The following ABCD3 variants were observed in gnomAD, a reference collection of about 807,000 sequenced individuals.
ABCD3 encodes the protein ATP-binding cassette sub-family D member 3.
ABCD3 carries 41 observed loss-of-function variants against 105.5 expected under a neutral mutation model. The observed-to-expected ratio is 0.39, with a 90% CI of 0.30 to 0.50. ABCD3 has a LOEUF of 0.50. Among genes scored for constraint, ABCD3 ranks in the 20% least tolerant of loss-of-function variants. ABCD3 has a pLI of 0.84. For synonymous variants in ABCD3, 258 were observed against 269.0 expected (o/e 0.96, Z 0.40); for missense variants, 622 against 806.3 (o/e 0.77, Z 2.77).
In ABCD3 at chr1:94,487,765, A is replaced by G. The variant is rs202133823; in HGVS notation, c.1039A>G (p.Lys347Glu). The change falls in exon 12 of 23, where the codon AAG (lysine) becomes GAG (glutamate). Residue 347 changes from lysine to glutamate, a missense_variant. Physicochemically the swap from Lys to Glu is moderately conservative, Grantham distance 56 (BLOSUM62 1). Around this residue, in one of 4 missense-constraint regions of ABCD3, gnomAD observed 245 missense variants for 356.4 expected, o/e 0.69. Coordinates refer to ENST00000370214, the MANE Select transcript of ABCD3 (RefSeq NM_002858.4). ...AGATTTGTCTCATCCTCGACATCTCAAGAGTACACATTCGGAACTTCTAGA... is the reference window on the plus strand; with the variant it reads ...AGATTTGTCTCATCCTCGACATCTCGAGAGTACACATTCGGAACTTCTAGA... Reference protein sequence around the residue: ...FLDLSHPRHLKSTHSELLEDY... With the variant: ...FLDLSHPRHLESTHSELLEDY... 2 of 1,613,632 alleles carry G rather than the reference A, an allele frequency of 1.2e-6. No homozygotes were observed. The highest frequency in any genetic ancestry group is 2.2e-5 in the East Asian group (1 of 44,852).
At chr1:94,425,717 A>AT (rs1226456657) in intron 1 of ABCD3, among the ~76,000 whole-genome samples, 2 of 152,166 alleles carry the variant, frequency 1.3e-5, no homozygotes, top group Admixed American at 6.6e-5. Context: ...GGATATTTAA[A>AT]TTTTTTTCTA....
intron 16 of ABCD3, among the ~76,000 whole-genome samples, chr1:94,494,971 C>T (rs892431806): frequency 2.6e-5 from 4 of 152,088 alleles, no homozygotes; most frequent in African/African-American, 7.2e-5. Flanking sequence ...GTCCTGGTTA[C>T]GCAGGCGGCT....
intron 4 of ABCD3, among the ~76,000 whole-genome samples, chr1:94,473,302 T>G (rs1160897501): frequency 6.6e-6 from 1 of 152,134 alleles, no homozygotes; most frequent in African/African-American, 2.4e-5. Context: ...GCCTAAAATA[T>G]TTACTCTTGA....
chr1:94,420,211 C>A (rs1282157095), intron 1 of ABCD3, among the ~76,000 whole-genome samples: 1 of 152,042 alleles, frequency 6.6e-6, no homozygotes, highest in Non-Finnish European at 1.5e-5. Context: ...TAATCAGCAC[C>A]CAGATCAAGA....
chr1:94,499,027 C>A lies in ABCD3; in HGVS notation c.1613C>A (p.Ser538Tyr), dbSNP rs1467536288. ...GREDQKRKGISDLVLKEYLDN... is the reference protein window; with the variant it reads ...GREDQKRKGIYDLVLKEYLDN... ...GAAGATCAGAAAAGGAAGGGAATTT[C>A]TGACCTAGTAAGGGAATGTTTATAT... The change falls in exon 19 of 23, where the codon TCT becomes TAT. Residue 538 changes from serine to tyrosine, a missense_variant. By Grantham distance (144) the Ser-to-Tyr change is moderately radical. Transcript: ENST00000370214. 6.2e-7 allele frequency: 1 copy of A among 1,612,372 alleles called. No individual in the cohort carries two copies. The highest frequency in any genetic ancestry group is 2.2e-5 in the East Asian group (1 of 44,834).
chr1:94,415,610 TAG>T (rs1658985545), upstream of ABCD3, among the ~76,000 whole-genome samples: 1 of 152,162 alleles, frequency 6.6e-6, no homozygotes, highest in South Asian at 2.1e-4. Flanking sequence ...TTGAGTCACT[TAG>T]AGTTACAGAA....
chr1:94,396,617 G>A, the ABCD3 span, among the ~76,000 whole-genome samples: 3 of 152,064 alleles, frequency 2.0e-5, no homozygotes, highest in African/African-American at 2.4e-5. Context: ...GTGTGCGCGC[G>A]CGCACGTGCG....
chr1:94,475,762 A>C, intron 7 of ABCD3, 25 bp downstream of exon 7: 1 of 1,576,320 alleles, frequency 6.3e-7, no homozygotes, highest in South Asian at 1.1e-5. Flanking sequence ...TTTTTAAAAG[A>C]TTATTTGTTT....
intron 8 of ABCD3, 157 bp downstream of exon 8, chr1:94,478,472 C>A: frequency 1.5e-6 from 2 of 1,299,196 alleles, no homozygotes; most frequent in South Asian, 2.5e-5. Flanking sequence ...AATAATACTT[C>A]ATTCGAGATT....
intron 20 of ABCD3, among the ~76,000 whole-genome samples, chr1:94,501,265 GAAA>G (rs4148065): frequency 3.2e-5 from 2 of 61,934 alleles, no homozygotes; most frequent in African/African-American, 1.1e-4. Flanking sequence ...TGTCTCAAAA[GAAA>G]AAAAAAAAAA....
At chr1:94,418,792 G>A in intron 1 of ABCD3, 1 of 595,506 alleles carries the variant, frequency 1.7e-6, no homozygotes, top group East Asian at 2.9e-5. Flanking sequence ...CCTGTCCGGC[G>A]ACCTCGCTCC....
At chr1:94,414,968 T>G (rs924596464), upstream of ABCD3, among the ~76,000 whole-genome samples, 4 of 152,166 alleles carry the variant, frequency 2.6e-5, no homozygotes, top group African/African-American at 9.7e-5. Flanking sequence ...ACCTGAAGGC[T>G]TGACTGAGGA....
At chr1:94,480,638 AAT>A in intron 9 of ABCD3, 32 bp downstream of exon 9, 1 of 1,612,192 alleles carries the variant, frequency 6.2e-7, no homozygotes, top group South Asian at 1.1e-5. Context: ...CCTTGCTAAA[AAT>A]TAATTTCTAT....
intron 10 of ABCD3, among the ~76,000 whole-genome samples, chr1:94,484,394 C>A (rs1649179383): frequency 2.6e-5 from 4 of 152,182 alleles, no homozygotes; most frequent in Admixed American, 2.6e-4. Flanking sequence ...ACCCGAATGT[C>A]CATCAGTGAT....
At chr1:94,478,839 C>A in intron 8 of ABCD3, 1 of 310,330 alleles carries the variant, frequency 3.2e-6, no homozygotes, top group Non-Finnish European at 5.3e-6. Flanking sequence ...GTAACAGTTC[C>A]AAGAATATTT....
chr1:94,484,837 C>G (rs1210086397), intron 10 of ABCD3, among the ~76,000 whole-genome samples: 2 of 151,936 alleles, frequency 1.3e-5, no homozygotes, highest in Admixed American at 6.6e-5. Context: ...TGCTTAGGAG[C>G]CTTATTTAGT....
At chr1:94,387,884 A>G in the ABCD3 span, among the ~76,000 whole-genome samples, 1 of 152,152 alleles carries the variant, frequency 6.6e-6, no homozygotes, top group Non-Finnish European at 1.5e-5. Context: ...GATTCCTTGT[A>G]CTAAATCTCT....
chr1:94,453,704 C>CTT (rs548416321), intron 1 of ABCD3, among the ~76,000 whole-genome samples: 4 of 142,494 alleles, frequency 2.8e-5, no homozygotes, highest in African/African-American at 7.7e-5. Context: ...AGTCTTTTAC[C>CTT]TTTTTTTTTT....
intron 5 of ABCD3, 60 bp from the exon 6 acceptor site, chr1:94,475,078 ATAAAT>A: frequency 9.7e-7 from 1 of 1,030,268 alleles, no homozygotes; most frequent in Non-Finnish European, 1.5e-6. Flanking sequence ...TAATAGAGAA[ATAAAT>A]TATAGTTTAG....
Sources: gnomAD v4.1 joint callset for allele counts (sites outside exome capture counted in the v4.1 genomes callset) on GRCh38, gnomAD v4.1.1 for gene constraint, gnomAD v4.1.1 regional missense constraint, MANE v1.5 for transcripts, NCBI Gene and HGNC (gene_info 2026-07-23, HGNC 2026-07-21) for gene names.